The following MXD4 variants were observed in gnomAD, a reference collection of about 807,000 sequenced individuals.
MXD4 encodes the protein MAX dimerization protein 4, also known as Mad4 homolog.
MXD4 carries 16 observed loss-of-function variants against 24.5 expected under a neutral mutation model. The observed-to-expected ratio is 0.65, with a 90% CI of 0.44 to 0.99. MXD4 has a LOEUF of 0.99. Among genes scored for constraint, MXD4 ranks in the 50% least tolerant of loss-of-function variants. The pLI is 0.00. For missense variants in MXD4, 301 were observed against 301.5 expected, an observed-to-expected ratio of 1.00 and a Z score of 0.01; for synonymous variants, 164 against 134.2, an observed-to-expected ratio of 1.22 and a Z score of -1.54.
Position 2,250,598 on chromosome 4 carries a change from G to A in MXD4, c.576C>T (p.Gly192=), listed in dbSNP as rs775769100. The change falls in exon 6 of 6, where the codon GGC becomes GGT. Residue 192 remains glycine (G), a synonymous_variant. Coordinates refer to ENST00000337190, the MANE Select transcript of MXD4 (RefSeq NM_006454.3). ...DHYSLQSGTG[G]DSGFGPHCRR... Reference sequence around the variant, plus strand: ...GGCAGTGGGGCCCGAAGCCACTGTCGCCGCCGGTGCCACTCTGCAGGCTGT... The same window carrying A: ...GGCAGTGGGGCCCGAAGCCACTGTCACCGCCGGTGCCACTCTGCAGGCTGT... 3.1e-6 allele frequency: 5 copies of A among 1,611,474 alleles called. No individual in the cohort carries two copies. The highest frequency in any genetic ancestry group is 2.2e-5 in the East Asian group (1 of 44,846).
At chr4:2,254,979 C>T in intron 3 of MXD4, 1 of 259,328 alleles carries the variant, frequency 3.9e-6, no homozygotes, top group Non-Finnish European at 7.6e-6. Context: ...AAAACTATCC[C>T]CCCAGATCCA....
At position 2,252,500 on chromosome 4, in the gene MXD4, G is replaced by C. The variant is rs573232288; in HGVS notation, c.217C>G (p.Leu73Val). Residue 73 changes from leucine (L) to valine (V), a missense_variant, in exon 4 of 6, where the codon CTT becomes GTT. Transcript: ENST00000337190. The part of the protein sequence containing the change: ...KHRRAKLRLY[L>V]EQLKQLVPLG... ...GGCACCAGTTGCTTGAGCTGCTCAAGGTACAGCCTGAGTTTGGCTCGTCTG... is the reference window on the plus strand; with the variant it reads ...GGCACCAGTTGCTTGAGCTGCTCAACGTACAGCCTGAGTTTGGCTCGTCTG... 1 of 1,612,074 alleles carries C rather than the reference G, an allele frequency of 6.2e-7. No individual in the cohort carries two copies. Among genetic ancestry groups the C allele is most frequent in the South Asian group, 1.1e-5 (1 of 91,058 alleles).
chr4:2,250,760 C>T, intron 5 of MXD4, 59 bp from the exon 6 acceptor site: 2 of 1,570,916 alleles, frequency 1.3e-6, no homozygotes, highest in Non-Finnish European at 1.7e-6. Flanking sequence ...GCCCATTTCT[C>T]CCTTTTCTGG....
Position 2,250,397 on chromosome 4 carries a change from G to T in MXD4, c.*147C>A. 9.2e-7 allele frequency: 1 copy of T among 1,091,684 alleles called. No homozygotes were observed. Among genetic ancestry groups the T allele is most frequent in the Non-Finnish European group, 1.3e-6 (1 of 789,364 alleles). The allele number at this position is 1,091,684 out of a possible 1,614,324, so 67.6% of individuals were successfully genotyped here. On this transcript the variant is annotated 3_prime_UTR_variant, in exon 6 of 6. Coordinates refer to ENST00000337190, the MANE Select transcript of MXD4 (RefSeq NM_006454.3). ...TCGGCAGGCCCTGACCGGCAAGCGG[G>T]CAGTGCCAGGCAGCCCAGCAGCAGC...
intron 5 of MXD4, 141 bp downstream of exon 5, chr4:2,250,943 G>GAA (rs1735307763): frequency 8.3e-7 from 1 of 1,211,546 alleles, no homozygotes; most frequent in Non-Finnish European, 1.1e-6. Context: ...TGCGCTTAGT[G>GAA]ACAAACACAC....
At chr4:2,256,855 C>T (rs528686994) in intron 3 of MXD4, among the ~76,000 whole-genome samples, 1 of 152,220 alleles carries the variant, frequency 6.6e-6, no homozygotes, top group Admixed American at 6.5e-5. Flanking sequence ...GGCTGTCCTC[C>T]CAGGGACCGC....
At chr4:2,255,505 A>G (rs576350539) in intron 3 of MXD4, among the ~76,000 whole-genome samples, 1 of 152,288 alleles carries the variant, frequency 6.6e-6, no homozygotes, top group South Asian at 2.1e-4. Flanking sequence ...AGCCAACTCT[A>G]CAGTGGCTGG....
chr4:2,250,635 G>A lies in MXD4; in HGVS notation c.539C>T (p.Ala180Val), dbSNP rs185352667. 2.0e-5 allele frequency: 33 copies of A among 1,613,592 alleles called. No homozygotes were observed. In the East Asian group the frequency reaches 4.7e-4, roughly 23 times the overall value. Reference protein sequence around the residue: ...ELDSVGSSSDADDHYSLQSGT... With the variant: ...ELDSVGSSSDVDDHYSLQSGT... ...ACTCTGCAGGCTGTAGTGGTCGTCCGCGTCACTGCTGCTGCCAACACTGTC... is the reference window on the plus strand; with the variant it reads ...ACTCTGCAGGCTGTAGTGGTCGTCCACGTCACTGCTGCTGCCAACACTGTC... Residue 180 changes from alanine (A) to valine (V), a missense_variant, in exon 6 of 6, where the codon GCG (alanine) becomes GTG (valine). By Grantham distance (64) the Ala-to-Val change is moderately conservative (BLOSUM62 0). Transcript: ENST00000337190.
At chr4:2,252,158 T>A (rs79220502) in intron 4 of MXD4, among the ~76,000 whole-genome samples, 1 of 152,122 alleles carries the variant, frequency 6.6e-6, no homozygotes, top group African/African-American at 2.4e-5. Context: ...CGGCTTCTTA[T>A]GCCATCAGCA....
intron 5 of MXD4, 85 bp from the exon 6 acceptor site, chr4:2,250,786 G>A (rs1258097953): frequency 8.0e-6 from 12 of 1,499,258 alleles, no homozygotes; most frequent in Non-Finnish European, 9.9e-6. Flanking sequence ...GAAGCTCTAG[G>A]CAGAGGGGCA....
chr4:2,250,826 G>A lies in MXD4; in HGVS notation c.473-125C>T, dbSNP rs1735304728. ...TGCGGAGGGCGCTGTCTGGGCCCTG[G>A]GGCAGCAGACGCCAGGAGGGCTCTG... On this transcript the variant is annotated intron_variant, in intron 5 of 5. Coordinates refer to ENST00000337190, the MANE Select transcript of MXD4 (RefSeq NM_006454.3). 26 of 1,299,344 alleles carry A rather than the reference G, an allele frequency of 2.0e-5. 1 individual carries two copies. The highest frequency in any genetic ancestry group is 2.7e-5 in the Non-Finnish European group (26 of 959,500). 80.5% of individuals were successfully genotyped at this position (1,299,344 alleles called of 1,614,324 possible). A position where few individuals can be genotyped will look rare whatever the true frequency, so the allele number is the denominator to read the frequency against.
intron 2 of MXD4, among the ~76,000 whole-genome samples, chr4:2,259,366 AGGG>A (rs1445356312): frequency 6.6e-6 from 1 of 151,408 alleles, no homozygotes; most frequent in Non-Finnish European, 1.5e-5. Context: ...AATCACTGCC[AGGG>A]CCAGCCAGGG....
rs916920457 is a variant in MXD4, at chr4:2,255,182, T to A, written c.195-2660A>T. ...ACGTGGTGTCGGGTGAAAGATCAAG[T>A]GAGGAAATGGAGAACAAGGTCCCCT... On this transcript the variant is annotated intron_variant, in intron 3 of 5. Coordinates refer to ENST00000337190, the MANE Select transcript of MXD4 (RefSeq NM_006454.3). 3 of 392,098 alleles carry A rather than the reference T, an allele frequency of 7.7e-6. No individual in the cohort carries two copies. The Admixed American group carries it at 8.6e-5, about 11-fold the overall frequency. 24.3% of individuals were successfully genotyped at this position (392,098 alleles called of 1,614,324 possible).
chr4:2,261,877 CG>C, intron 1 of MXD4, 39 bp downstream of exon 1: 1 of 1,397,496 alleles, frequency 7.2e-7, no homozygotes, highest in South Asian at 1.5e-5. Context: ...CCCCGCCGCC[CG>C]CCCACCGCCG....
At chr4:2,260,484 C>T (rs1334457398) in intron 2 of MXD4, 5 of 448,352 alleles carry the variant, frequency 1.1e-5, no homozygotes, top group African/African-American at 4.0e-5. Flanking sequence ...CTGGGGGAGC[C>T]CCAGCTCACG....
In MXD4 at chr4:2,251,171, G is replaced by A. The variant is rs1386992623; in HGVS notation, c.385C>T (p.Arg129Cys). 3.1e-6 allele frequency: 5 copies of A among 1,601,858 alleles called. No homozygotes were observed. Among genetic ancestry groups the A allele is most frequent in the Admixed American group, 1.7e-5 (1 of 58,612 alleles). ...CTCTGCACCGACAGCTGCTCCAGGCGCCGCTTCAGGAAACGATGCTCCTGC... is the reference window on the plus strand; with the variant it reads ...CTCTGCACCGACAGCTGCTCCAGGCACCGCTTCAGGAAACGATGCTCCTGC... ...LQQEHRFLKRRLEQLSVQSVE... is the reference protein window; with the variant it reads ...LQQEHRFLKRCLEQLSVQSVE... Residue 129 changes from arginine to cysteine, a missense_variant, in exon 5 of 6, where the codon CGC becomes TGC. Coordinates refer to ENST00000337190, the MANE Select transcript of MXD4 (RefSeq NM_006454.3).
At chr4:2,258,115 C>A (rs1735467603) in intron 2 of MXD4, 104 bp from the exon 3 acceptor site, 4 of 1,440,864 alleles carry the variant, frequency 2.8e-6, no homozygotes, top group Non-Finnish European at 2.9e-6. Flanking sequence ...CAGTGGCTGG[C>A]TGTGTCTGGG....
chr4:2,252,762 T>A, intron 3 of MXD4: 1 of 455,748 alleles, frequency 2.2e-6, no homozygotes, highest in Non-Finnish European at 3.9e-6. Context: ...CTGCAAAGCC[T>A]CAGCGCGTCA....
At chr4:2,258,061 G>A (rs1031605681) in intron 2 of MXD4, 50 bp from the exon 3 acceptor site, 1 of 1,611,240 alleles carries the variant, frequency 6.2e-7, no homozygotes, top group South Asian at 1.1e-5. Context: ...CTGCCCACCA[G>A]GGCACAGAGA....
Sources: allele counts gnomAD v4.1 joint callset (sites outside exome capture counted in the v4.1 genomes callset), GRCh38; gene constraint gnomAD v4.1.1; transcripts MANE v1.5; gene names NCBI Gene and HGNC (gene_info 2026-07-23, HGNC 2026-07-21).